The following KIF16B variants were observed in gnomAD, a reference collection of about 807,000 sequenced individuals.
The protein encoded by KIF16B is kinesin-like protein KIF16B.
A neutral mutation model predicts 156.3 loss-of-function variants in KIF16B; 98 were observed. That is an observed-to-expected ratio of 0.63 (90% CI 0.53 to 0.74). The LOEUF is 0.74. Among genes scored for constraint, KIF16B ranks in the 30% least tolerant of loss-of-function variants. The probability of loss-of-function intolerance (pLI) is 0.00; values close to 1 mark genes in which losing one functional copy is unlikely to be tolerated. For synonymous variants in KIF16B, 564 were observed against 583.7 expected (o/e 0.97, Z 0.49); for missense variants, 1,421 against 1,606.5 (o/e 0.88, Z 1.97).
chr20:16,549,037 G>A (rs77822514), intron 1 of KIF16B, among the ~76,000 whole-genome samples: 1 of 63,072 alleles, frequency 1.6e-5, no homozygotes, highest in East Asian at 4.1e-4. Context: ...TTTTTTTTTC[G>A]TTAGTTTTTT....
chr20:16,555,139 C>T (rs556313269), intron 1 of KIF16B, among the ~76,000 whole-genome samples: 3 of 152,320 alleles, frequency 2.0e-5, no homozygotes, highest in Admixed American at 2.0e-4. Context: ...GGATCCCATA[C>T]CAACATCACC....
At chr20:16,425,646 G>C (rs2066332261) in intron 15 of KIF16B, among the ~76,000 whole-genome samples, 1 of 152,074 alleles carries the variant, frequency 6.6e-6, no homozygotes. Context: ...CTCCCCAGTG[G>C]GGAGGCCTGG....
In KIF16B at chr20:16,513,063, C is replaced by T. The variant is rs1980514; in HGVS notation, c.349-140G>A. On this transcript the variant is annotated intron_variant, in intron 4 of 25. Coordinates refer to ENST00000354981, the MANE Select transcript of KIF16B (RefSeq NM_024704.5). ...GCCTACCACAGCCCACGCCATATAC[C>T]CCCTCCAGGGCTGCTTTCTACTCTC... 4,225 of 622,552 alleles carry T rather than the reference C, an allele frequency of 6.8e-3. 121 individuals carry two copies. The highest frequency in any genetic ancestry group is 0.066 in the African/African-American group (3,620 of 54,962). The allele number at this position is 622,552 out of a possible 1,614,324, so 38.6% of individuals were successfully genotyped here. A position where few individuals can be genotyped will look rare whatever the true frequency, so the allele number is the denominator to read the frequency against.
chr20:16,554,115 G>A (rs2070762433), intron 1 of KIF16B, among the ~76,000 whole-genome samples: 1 of 152,190 alleles, frequency 6.6e-6, no homozygotes, highest in South Asian at 2.1e-4. Context: ...AAGGAGGTGG[G>A]TCCTGGGTGA....
chr20:16,321,328 AT>A (rs1001758912), intron 24 of KIF16B, among the ~76,000 whole-genome samples: 6 of 152,130 alleles, frequency 3.9e-5, no homozygotes, highest in Admixed American at 3.3e-4. Context: ...TACAAATTTA[AT>A]GGAAGAGTTA....
At chr20:16,354,028 A>C (rs997770229) in intron 23 of KIF16B, among the ~76,000 whole-genome samples, 1 of 152,176 alleles carries the variant, frequency 6.6e-6, no homozygotes, top group Non-Finnish European at 1.5e-5. Flanking sequence ...TTTGGATTTT[A>C]TGTATCCTGA....
At chr20:16,323,722 T>A (rs1361762911) in intron 24 of KIF16B, among the ~76,000 whole-genome samples, 1 of 151,844 alleles carries the variant, frequency 6.6e-6, no homozygotes, top group Non-Finnish European at 1.5e-5. Flanking sequence ...TCCTGAAGTA[T>A]CAGCTGACTG....
At chr20:16,338,858 T>G (rs904973226) in intron 23 of KIF16B, among the ~76,000 whole-genome samples, 1 of 152,188 alleles carries the variant, frequency 6.6e-6, no homozygotes, top group African/African-American at 2.4e-5. Flanking sequence ...ATTACTCCTC[T>G]TTGTCCTCAA....
At chr20:16,508,639 G>C (rs534573108) in intron 6 of KIF16B, among the ~76,000 whole-genome samples, 1 of 152,070 alleles carries the variant, frequency 6.6e-6, no homozygotes, top group Non-Finnish European at 1.5e-5. Flanking sequence ...AGATAGTAAC[G>C]CTTGCTCCCT....
At chr20:16,505,624 A>G in intron 9 of KIF16B, 98 bp downstream of exon 9, 1 of 1,071,256 alleles carries the variant, frequency 9.3e-7, no homozygotes, top group Non-Finnish European at 1.4e-6. Context: ...TTAAGATGTA[A>G]AAGGTGCTAT....
intron 1 of KIF16B, among the ~76,000 whole-genome samples, chr20:16,568,702 C>T (rs1390110833): frequency 6.6e-6 from 1 of 151,786 alleles, no homozygotes; most frequent in Admixed American, 6.6e-5. Flanking sequence ...ATAGTCCCAG[C>T]TACTCAGGAG....
At chr20:16,399,596 C>T (rs1015406421) in intron 17 of KIF16B, among the ~76,000 whole-genome samples, 2 of 152,216 alleles carry the variant, frequency 1.3e-5, no homozygotes, top group Non-Finnish European at 2.9e-5. Context: ...TCACCTGTGA[C>T]AGGCCACACA....
chr20:16,474,269 G>A (rs1568576581), intron 12 of KIF16B, among the ~76,000 whole-genome samples: 1 of 152,130 alleles, frequency 6.6e-6, no homozygotes, highest in Non-Finnish European at 1.5e-5. Flanking sequence ...CCTTCAGCAG[G>A]CCTTGGCACT....
intron 1 of KIF16B, among the ~76,000 whole-genome samples, chr20:16,569,010 G>A (rs2071364084): frequency 6.6e-6 from 1 of 151,954 alleles, no homozygotes. Flanking sequence ...AGGTGATTAG[G>A]TCATGAGGTC....
At chr20:16,441,172 C>T (rs1050292734) in intron 12 of KIF16B, among the ~76,000 whole-genome samples, 15 of 152,130 alleles carry the variant, frequency 9.9e-5, no homozygotes, top group Non-Finnish European at 2.1e-4. Context: ...AAACAGCTAA[C>T]GGAAAGGATT....
At chr20:16,442,383 C>A (rs139311227) in intron 12 of KIF16B, among the ~76,000 whole-genome samples, 1 of 148,468 alleles carries the variant, frequency 6.7e-6, no homozygotes, top group African/African-American at 2.5e-5. Context: ...AGGTGCCTAT[C>A]TAATGCGATG....
At chr20:16,349,523 A>G (rs2064295197) in intron 23 of KIF16B, among the ~76,000 whole-genome samples, 1 of 152,164 alleles carries the variant, frequency 6.6e-6, no homozygotes, top group African/African-American at 2.4e-5. Context: ...TCCTGCTTTT[A>G]CTGACTTTTC....
intron 15 of KIF16B, among the ~76,000 whole-genome samples, chr20:16,425,958 C>T (rs2066340260): frequency 4.6e-5 from 7 of 152,122 alleles, no homozygotes; most frequent in Admixed American, 3.3e-4. Flanking sequence ...GGAAGCAAGG[C>T]ATGTCTTCTC....
At chr20:16,549,392 AG>A (rs2070549246) in intron 1 of KIF16B, among the ~76,000 whole-genome samples, 1 of 151,980 alleles carries the variant, frequency 6.6e-6, no homozygotes, top group African/African-American at 2.4e-5. Context: ...ATGGCTGCAT[AG>A]TATCCCATGG....
Sources: allele counts gnomAD v4.1 joint callset (sites outside exome capture counted in the v4.1 genomes callset), GRCh38; gene constraint gnomAD v4.1.1; transcripts MANE v1.5; gene names NCBI Gene and HGNC (gene_info 2026-07-23, HGNC 2026-07-21).